The following ANKDD1B variants were observed in gnomAD, a reference collection of about 807,000 sequenced individuals.
ANKDD1B encodes ankyrin repeat and death domain containing 1B.
A neutral mutation model predicts 59.7 loss-of-function variants in ANKDD1B; 57 were observed. The ratio of observed to expected loss-of-function variants is 0.95; its 90% confidence interval spans 0.77 to 1.19. The LOEUF is 1.19. ANKDD1B is among the 50% of genes most tolerant of loss of function. The pLI is 0.00. For synonymous variants in ANKDD1B, 216 were observed against 239.5 expected, an observed-to-expected ratio of 0.90 and a Z score of 0.91; for missense variants, 602 against 641.9, an observed-to-expected ratio of 0.94 and a Z score of 0.67.
intron 7 of ANKDD1B, among the ~76,000 whole-genome samples, chr5:75,638,822 CCA>C (rs1774385918): frequency 6.6e-6 from 1 of 152,126 alleles, no homozygotes; most frequent in Non-Finnish European, 1.5e-5. Flanking sequence ...GATTTTACTA[CCA>C]GTTTCCTTTT....
chr5:75,623,075 T>C (rs1357072011), intron 3 of ANKDD1B, among the ~76,000 whole-genome samples: 3 of 152,160 alleles, frequency 2.0e-5, no homozygotes, highest in African/African-American at 7.2e-5. Flanking sequence ...CAAATATTTC[T>C]GGTGGTTTTT....
intron 9 of ANKDD1B, among the ~76,000 whole-genome samples, chr5:75,657,684 G>A (rs1422749891): frequency 6.6e-6 from 1 of 152,004 alleles, no homozygotes; most frequent in Non-Finnish European, 1.5e-5. Flanking sequence ...TGAGGCGGGC[G>A]GATCATGAGG....
chr5:75,642,552 G>GGC (rs1417188760), intron 7 of ANKDD1B, among the ~76,000 whole-genome samples: 1 of 136,472 alleles, frequency 7.3e-6, no homozygotes, highest in Non-Finnish European at 1.6e-5. Context: ...CTTAAAAAAC[G>GGC]GCGCACCACG....
intron 2 of ANKDD1B, among the ~76,000 whole-genome samples, chr5:75,618,688 T>C (rs996630719): frequency 1.3e-5 from 2 of 152,188 alleles, no homozygotes; most frequent in East Asian, 1.9e-4. Context: ...ATATTTGACA[T>C]AGTAGAGCAA....
Position 75,666,788 on chromosome 5 carries a change from T to G in ANKDD1B, c.1192-4T>G. ...ATCTTCTGATACAATTATTTTCACT[T>G]TAGGAGCATCATGAGAGCATCAGGG... On this transcript the variant is annotated splice_region_variant and splice_polypyrimidine_tract_variant and intron_variant, in intron 11 of 13. Transcript: ENST00000601380. The G allele has an allele frequency of 6.5e-7, 1 of 1,528,850 alleles. No individual in the cohort carries two copies. The highest frequency in any genetic ancestry group is 2.4e-5 in the East Asian group (1 of 40,892). The allele number at this position is 1,528,850 out of a possible 1,614,324, so 94.7% of individuals were successfully genotyped here.
At chr5:75,641,456 T>A (rs956626514) in intron 7 of ANKDD1B, among the ~76,000 whole-genome samples, 4 of 152,232 alleles carry the variant, frequency 2.6e-5, no homozygotes, top group Non-Finnish European at 4.4e-5. Context: ...ATCGCAATTT[T>A]ACTCCCCAGA....
At chr5:75,621,173 G>A (rs934950302) in intron 3 of ANKDD1B, among the ~76,000 whole-genome samples, 2 of 152,136 alleles carry the variant, frequency 1.3e-5, no homozygotes, top group Non-Finnish European at 1.5e-5. Flanking sequence ...TGGGGGAGGG[G>A]GCAGGGCCAG....
At chr5:75,616,730 T>A in intron 1 of ANKDD1B, 74 bp from the exon 2 acceptor site, 2 of 625,208 alleles carry the variant, frequency 3.2e-6, no homozygotes, top group Non-Finnish European at 5.4e-6. Flanking sequence ...TGTTACAAGG[T>A]TTGCCCTATG....
At chr5:75,627,945 G>C (rs1774036548) in intron 5 of ANKDD1B, among the ~76,000 whole-genome samples, 1 of 152,102 alleles carries the variant, frequency 6.6e-6, no homozygotes, top group African/African-American at 2.4e-5. Flanking sequence ...TCTATCTGTT[G>C]GGAAAAAGGG....
chr5:75,622,533 G>A (rs752464881), intron 3 of ANKDD1B, among the ~76,000 whole-genome samples: 3 of 152,118 alleles, frequency 2.0e-5, no homozygotes, highest in Non-Finnish European at 4.4e-5. Context: ...GATAAATGGA[G>A]GCTCTTACTC....
At chr5:75,613,046 G>A (rs1773613382) in intron 1 of ANKDD1B, among the ~76,000 whole-genome samples, 1 of 152,200 alleles carries the variant, frequency 6.6e-6, no homozygotes, top group African/African-American at 2.4e-5. Flanking sequence ...TGTCAAAGTT[G>A]CCAAGAGCTC....
At chr5:75,638,292 T>A (rs1774369268) in intron 7 of ANKDD1B, among the ~76,000 whole-genome samples, 1 of 152,246 alleles carries the variant, frequency 6.6e-6, no homozygotes, top group Admixed American at 6.5e-5. Context: ...CCCAGGAAAC[T>A]TTAATTTCAG....
At chr5:75,620,279 A>G in intron 2 of ANKDD1B, 36 bp from the exon 3 acceptor site, 1 of 1,092,922 alleles carries the variant, frequency 9.1e-7, no homozygotes, top group Non-Finnish European at 1.3e-6. Flanking sequence ...CTGAATAATG[A>G]TCAGATGACT....
chr5:75,623,445 G>A (rs1384511597), intron 3 of ANKDD1B, among the ~76,000 whole-genome samples: 1 of 152,076 alleles, frequency 6.6e-6, no homozygotes, highest in Non-Finnish European at 1.5e-5. Context: ...TTAAGAGGTG[G>A]AATTGTGTTT....
chr5:75,640,450 G>T (rs912129390), intron 7 of ANKDD1B, among the ~76,000 whole-genome samples: 1 of 152,202 alleles, frequency 6.6e-6, no homozygotes, highest in Non-Finnish European at 1.5e-5. Flanking sequence ...AAAGCATATA[G>T]TCTTGGCAGT....
At chr5:75,653,291 C>A in intron 8 of ANKDD1B, 51 bp downstream of exon 8, 1 of 1,347,206 alleles carries the variant, frequency 7.4e-7, no homozygotes, top group Non-Finnish European at 1.0e-6. Context: ...GTGAGGTTGG[C>A]TGTGTCAGGG....
At chr5:75,619,974 A>C (rs191556900) in intron 2 of ANKDD1B, among the ~76,000 whole-genome samples, 2 of 152,360 alleles carry the variant, frequency 1.3e-5, no homozygotes, top group African/African-American at 4.8e-5. Context: ...TACCATTATT[A>C]ATGATTGCAT....
intron 7 of ANKDD1B, among the ~76,000 whole-genome samples, chr5:75,639,127 G>A (rs1774393384): frequency 6.6e-6 from 1 of 152,170 alleles, no homozygotes; most frequent in Admixed American, 6.5e-5. Flanking sequence ...ACTGGGACTT[G>A]TCTTTTTGCA....
At chr5:75,666,435 T>C (rs1775307386) in intron 11 of ANKDD1B, among the ~76,000 whole-genome samples, 1 of 151,920 alleles carries the variant, frequency 6.6e-6, no homozygotes, top group Non-Finnish European at 1.5e-5. Context: ...AAAGAAGAAA[T>C]GGGGGTATGG....
Sources: gnomAD v4.1 joint callset for allele counts (sites outside exome capture counted in the v4.1 genomes callset) on GRCh38, gnomAD v4.1.1 for gene constraint, MANE v1.5 for transcripts, NCBI Gene and HGNC (gene_info 2026-07-23, HGNC 2026-07-21) for gene names.